Variants in SYNE2 observed in about 807,000 individuals in gnomAD.
SYNE2 encodes the protein nesprin-2.
A neutral mutation model predicts 856.3 loss-of-function variants in SYNE2; 431 were observed. The ratio of observed to expected loss-of-function variants is 0.50; its 90% CI spans 0.47 to 0.55. The LOEUF is 0.55. SYNE2 is among the 20% of genes least tolerant of loss of function. SYNE2 has a pLI of 0.00. For synonymous variants in SYNE2, 2,923 were observed against 2,872.3 expected (o/e 1.02, Z -0.56); for missense variants, 8,129 against 8,023.2 (o/e 1.01, Z -0.50).
intron 48 of SYNE2, 45 bp from the exon 49 acceptor site, chr14:64,055,899 A>G (rs755547012): frequency 1.3e-6 from 2 of 1,544,088 alleles, no homozygotes; most frequent in Non-Finnish European, 1.8e-6. Flanking sequence ...AGGAATTCCA[A>G]AAGTTTGACA....
chr14:63,887,605 C>CT (rs555775363), intron 1 of SYNE2, among the ~76,000 whole-genome samples: 474 of 152,278 alleles, frequency 3.1e-3, no homozygotes, highest in Non-Finnish European at 5.4e-3. Context: ...CCCAGAAGAG[C>CT]TTAGTAACTG....
intron 1 of SYNE2, among the ~76,000 whole-genome samples, chr14:63,895,548 T>C (rs1226929239): frequency 6.7e-6 from 1 of 148,606 alleles, no homozygotes; most frequent in African/African-American, 2.5e-5. Flanking sequence ...AGCCTGGGAG[T>C]TTGAGACCAG....
At chr14:63,897,054 C>T (rs2095264480) in intron 1 of SYNE2, among the ~76,000 whole-genome samples, 1 of 152,134 alleles carries the variant, frequency 6.6e-6, no homozygotes, top group Non-Finnish European at 1.5e-5. Flanking sequence ...GAGTTTGAGA[C>T]CAGCCTGGCC....
At chr14:64,212,697 G>A in intron 104 of SYNE2, 114 bp from the exon 105 acceptor site, 1 of 1,003,406 alleles carries the variant, frequency 1.0e-6, no homozygotes, top group Non-Finnish European at 1.6e-6. Flanking sequence ...AGTAGGTGAA[G>A]GAAAACAACA....
chr14:63,778,931 C>A (rs1887207452), intron 1 of SYNE2, among the ~76,000 whole-genome samples: 1 of 22,194 alleles, frequency 4.5e-5, no homozygotes, highest in Non-Finnish European at 1.4e-4. Context: ...CCCAAAGTAG[C>A]TCATGGCTAT....
intron 8 of SYNE2, chr14:63,960,728 C>T: frequency 2.6e-6 from 2 of 763,086 alleles, no homozygotes. Flanking sequence ...ATCTCCTTCA[C>T]TTATTAGATG....
Position 64,055,935 on chromosome 14 carries a change from A to G in SYNE2, c.9745-9A>G, listed in dbSNP as rs778028287. ...ATTTTGTCACAGCATTTAATCTCCTATTCACTAGAATGTCTTGAATGATGC... is the reference window on the plus strand; with the variant it reads ...ATTTTGTCACAGCATTTAATCTCCTGTTCACTAGAATGTCTTGAATGATGC... On this transcript the variant is annotated splice_polypyrimidine_tract_variant and intron_variant, in intron 48 of 115. Transcript: ENST00000555002. 254 of 1,611,104 alleles carry G rather than the reference A, an allele frequency of 1.6e-4. No homozygotes were observed. Among genetic ancestry groups the G allele is most frequent in the Middle Eastern group, 6.6e-4 (4 of 6,062 alleles).
At chr14:64,126,246 T>G (rs1433289465) in intron 71 of SYNE2, 81 bp from the exon 72 acceptor site, 1 of 1,269,552 alleles carries the variant, frequency 7.9e-7, no homozygotes, top group Non-Finnish European at 1.1e-6. Context: ...AATCATAAAC[T>G]ATAATGGAAA....
intron 11 of SYNE2, among the ~76,000 whole-genome samples, chr14:63,968,215 T>G (rs948623465): frequency 2.0e-5 from 3 of 152,214 alleles, no homozygotes; most frequent in Admixed American, 6.5e-5. Flanking sequence ...GATGAGGGCT[T>G]TATTTTAAAC....
Position 64,021,622 on chromosome 14 carries a change from G to A in SYNE2, c.5352+107G>A, listed in dbSNP as rs1003439826. ...AAAATAGAAAAAAAAAGTCGAAGAAGAAAACTCAGAAAAACCGCTTTTGTA... is the reference window on the plus strand; with the variant it reads ...AAAATAGAAAAAAAAAGTCGAAGAAAAAAACTCAGAAAAACCGCTTTTGTA... On this transcript the variant is annotated intron_variant, in intron 36 of 115. Coordinates refer to ENST00000555002, the MANE Select transcript of SYNE2 (RefSeq NM_182914.3). 5.0e-6 allele frequency: 7 copies of A among 1,406,116 alleles called. No individual in the cohort carries two copies. In the African/African-American group the frequency reaches 1.0e-4, roughly 20 times the overall value. 87.1% of individuals were successfully genotyped at this position (1,406,116 alleles called of 1,614,324 possible).
intron 7 of SYNE2, among the ~76,000 whole-genome samples, chr14:63,950,910 G>T (rs1057506704): frequency 6.6e-6 from 1 of 151,970 alleles, no homozygotes; most frequent in African/African-American, 2.4e-5. Context: ...ACCTGCCTCC[G>T]TCTTCGAAAG....
intron 79 of SYNE2, among the ~76,000 whole-genome samples, chr14:64,138,402 T>A (rs1400086444): frequency 6.6e-6 from 1 of 151,766 alleles, no homozygotes; most frequent in African/African-American, 2.4e-5. Context: ...TGGCTAATTT[T>A]ATAAAATTTT....
chr14:63,832,882 A>T (rs889447737), intron 1 of SYNE2, among the ~76,000 whole-genome samples: 28 of 150,574 alleles, frequency 1.9e-4, no homozygotes, highest in African/African-American at 6.8e-4. Context: ...AAAAAAAAAA[A>T]AAAAAAAATT....
Position 64,225,883 on chromosome 14 carries a change from C to A in SYNE2, c.*357C>A. On this transcript the variant is annotated 3_prime_UTR_variant, in exon 116 of 116. Coordinates refer to ENST00000555002, the MANE Select transcript of SYNE2 (RefSeq NM_182914.3). Reference sequence around the variant, plus strand: ...AGGTATGGTCAATGAGCAGTGGTGTCCATCACATATATTATAGAAGCAAGC... The same window carrying A: ...AGGTATGGTCAATGAGCAGTGGTGTACATCACATATATTATAGAAGCAAGC... 1.9e-6 allele frequency: 1 copy of A among 514,508 alleles called. No individual in the cohort carries two copies. Among genetic ancestry groups the A allele is most frequent in the Non-Finnish European group, 3.5e-6 (1 of 288,088 alleles). 31.9% of individuals were successfully genotyped at this position (514,508 alleles called of 1,614,324 possible).
At chr14:64,022,962 C>G (rs1230516119) in intron 38 of SYNE2, 99 bp downstream of exon 38, 1 of 715,484 alleles carries the variant, frequency 1.4e-6, no homozygotes, top group African/African-American at 1.8e-5. Context: ...GGCATGGTAA[C>G]TCACACCTGT....
chr14:64,214,051 G>A (rs1044943506), intron 105 of SYNE2, 143 bp from the exon 106 acceptor site: 10 of 1,264,580 alleles, frequency 7.9e-6, no homozygotes, highest in Non-Finnish European at 7.6e-6. Context: ...ACAGGACCTG[G>A]GAACCTGATC....
rs1440265767 is a variant in SYNE2 at position 64,106,199 on chromosome 14, G to C, written c.12493-1292G>C. 2.7e-5 allele frequency among the ~76,000 whole-genome samples: 4 copies of C among 149,570 alleles called. No homozygotes were observed. In the Admixed American group the frequency reaches 2.7e-4, roughly 10 times the overall value. The stretch of plus-strand genomic sequence containing the variant: ...TCAGTCTTAGCCAAACTTAGCCAGT[G>C]GTTTAAATTAATTTATGTTCTAAGA... On this transcript the variant is annotated intron_variant, in intron 64 of 115. Transcript: ENST00000555002.
At position 64,074,474 on chromosome 14, in the gene SYNE2, C is replaced by T. The variant is rs149806219; in HGVS notation, c.10866+338C>T. On this transcript the variant is annotated intron_variant, in intron 53 of 115. Coordinates refer to ENST00000555002, the MANE Select transcript of SYNE2 (RefSeq NM_182914.3). ...ACATTACTCCTTTAGTAGGACATGG[C>T]GCCTTGTCTCTGACAGGGTCTATGT... Among the ~76,000 whole-genome samples, 4 of 152,302 alleles carry T rather than the reference C, an allele frequency of 2.6e-5. No homozygotes were observed. The East Asian group carries it at 7.7e-4, about 29-fold the overall frequency.
At chr14:63,882,660 G>A (rs1479634760) in intron 1 of SYNE2, among the ~76,000 whole-genome samples, 1 of 152,088 alleles carries the variant, frequency 6.6e-6, no homozygotes, top group Non-Finnish European at 1.5e-5. Context: ...GGGATATGAT[G>A]GTGCCACTGC....
Sources: allele counts gnomAD v4.1 joint callset (sites outside exome capture counted in the v4.1 genomes callset), GRCh38; gene constraint gnomAD v4.1.1; transcripts MANE v1.5; gene names NCBI Gene and HGNC (gene_info 2026-07-23, HGNC 2026-07-21).